Variants in DSN1 observed in about 807,000 individuals in gnomAD.
DSN1 encodes the protein kinetochore-associated protein DSN1 homolog.
Under a neutral mutation model 45.7 loss-of-function variants are expected in DSN1, and 31 were observed. The observed-to-expected ratio is 0.68, with a 90% CI of 0.51 to 0.92. DSN1 has a LOEUF of 0.92. Ranked by LOEUF, DSN1 falls within the 40% of genes least tolerant of loss-of-function variation. The pLI, the probability that DSN1 is intolerant of heterozygous loss-of-function variation, is 0.00. For synonymous variants in DSN1, 134 were observed against 142.3 expected (o/e 0.94, Z 0.41); for missense variants, 394 against 414.2 (o/e 0.95, Z 0.42).
At chr20:36,761,429 C>G (rs1986974418) in intron 6 of DSN1, among the ~76,000 whole-genome samples, 1 of 152,114 alleles carries the variant, frequency 6.6e-6, no homozygotes, top group Non-Finnish European at 1.5e-5. Flanking sequence ...TCTAAAAGAG[C>G]CTGGTACATA....
chr20:36,766,977 C>A, intron 4 of DSN1, 136 bp from the exon 5 acceptor site: 1 of 538,592 alleles, frequency 1.9e-6, no homozygotes, highest in Non-Finnish European at 3.2e-6. Context: ...TAAGACTTTT[C>A]ACAGAAACAA....
Position 36,770,857 on chromosome 20 carries a change from G to A in DSN1, c.355+16C>T. Reference sequence around the variant, plus strand: ...CTGAGCTGGAACCTCACTGTCTTGTGTACACAGCACCCCACCTGTGATGCC... The same window carrying A: ...CTGAGCTGGAACCTCACTGTCTTGTATACACAGCACCCCACCTGTGATGCC... On this transcript the variant is annotated intron_variant, in intron 3 of 10. Coordinates refer to ENST00000373750, the MANE Select transcript of DSN1 (RefSeq NM_001145315.2). 4 of 1,597,548 alleles carry A rather than the reference G, an allele frequency of 2.5e-6. No individual in the cohort carries two copies. The highest frequency in any genetic ancestry group is 3.4e-6 in the Non-Finnish European group (4 of 1,174,110).
At chr20:36,765,920 C>G (rs927723223) in intron 5 of DSN1, among the ~76,000 whole-genome samples, 4 of 149,508 alleles carry the variant, frequency 2.7e-5, no homozygotes, top group Admixed American at 2.7e-4. Flanking sequence ...AGGCCGGGCA[C>G]AGTGGCTTGT....
intron 1 of DSN1, among the ~76,000 whole-genome samples, chr20:36,772,630 G>A (rs1444484987): frequency 6.6e-6 from 1 of 152,206 alleles, no homozygotes; most frequent in Non-Finnish European, 1.5e-5. Context: ...TTTCCAAAGT[G>A]TAGTCAACAC....
At chr20:36,757,439 C>T (rs566998389) in intron 8 of DSN1, among the ~76,000 whole-genome samples, 1 of 152,032 alleles carries the variant, frequency 6.6e-6, no homozygotes, top group African/African-American at 2.4e-5. Flanking sequence ...ATTAGCCACG[C>T]ATCATGGCAG....
chr20:36,754,299 C>T (rs940886818), intron 10 of DSN1, among the ~76,000 whole-genome samples: 13 of 151,986 alleles, frequency 8.6e-5, no homozygotes, highest in African/African-American at 2.7e-4. Flanking sequence ...GTCATTGTGC[C>T]ATTCACTCCA....
rs1472669189 is a variant in DSN1 at position 36,770,881 on chromosome 20, C to T, written c.347G>A (p.Gly116Asp). Residue 116 changes from glycine (G) to aspartate (D), a missense_variant, in exon 3 of 11, where the codon GGC becomes GAC. Coordinates refer to ENST00000373750, the MANE Select transcript of DSN1 (RefSeq NM_001145315.2). ...RRKSLHPIHQGITELSRSISV... is the reference protein window; with the variant it reads ...RRKSLHPIHQDITELSRSISV... Reference sequence around the variant, plus strand: ...TGTACACAGCACCCCACCTGTGATGCCCTGGTGAATGGGATGCAGCGACTT... The same window carrying T: ...TGTACACAGCACCCCACCTGTGATGTCCTGGTGAATGGGATGCAGCGACTT... 1.2e-6 allele frequency: 2 copies of T among 1,609,296 alleles called. No individual in the cohort carries two copies. The highest frequency in any genetic ancestry group is 8.5e-7 in the Non-Finnish European group (1 of 1,178,834).
chr20:36,757,903 T>C (rs969309593), intron 8 of DSN1, among the ~76,000 whole-genome samples, 184 bp downstream of exon 8: 2 of 152,212 alleles, frequency 1.3e-5, no homozygotes, highest in Non-Finnish European at 2.9e-5. Context: ...TGACACCAAC[T>C]CTTCCTTCCT....
chr20:36,763,790 G>A (rs1352513086), intron 5 of DSN1, among the ~76,000 whole-genome samples: 1 of 147,154 alleles, frequency 6.8e-6, no homozygotes, highest in African/African-American at 2.5e-5. Flanking sequence ...AGGAGGCTGA[G>A]GCAGGAGAAT....
intron 10 of DSN1, among the ~76,000 whole-genome samples, chr20:36,753,347 A>AC (rs937170712): frequency 6.6e-6 from 1 of 151,682 alleles, no homozygotes; most frequent in African/African-American, 2.4e-5. Context: ...CTAAAAAAAA[A>AC]AAAAAAAAGG....
chr20:36,761,877 C>T (rs904148250), intron 6 of DSN1, among the ~76,000 whole-genome samples: 25 of 151,674 alleles, frequency 1.6e-4, no homozygotes, highest in Admixed American at 3.3e-4. Context: ...GGCATGGTGG[C>T]GCATGCCTGT....
intron 7 of DSN1, among the ~76,000 whole-genome samples, 188 bp downstream of exon 7, chr20:36,758,370 G>C (rs1986787142): frequency 6.6e-6 from 1 of 152,138 alleles, no homozygotes; most frequent in Non-Finnish European, 1.5e-5. Context: ...GTATTCTCTA[G>C]ACTCCATTCT....
chr20:36,754,754 C>G lies in DSN1; in HGVS notation c.961+9G>C. ...CCTGAACTCTGGTCCCCTCAAGAGA[C>G]AAGCTTACCGAGCTGTACTGACACC... On this transcript the variant is annotated intron_variant, in intron 10 of 10. Coordinates refer to ENST00000373750, the MANE Select transcript of DSN1 (RefSeq NM_001145315.2). 1 of 1,613,172 alleles carries G rather than the reference C, an allele frequency of 6.2e-7. No homozygotes were observed. Among genetic ancestry groups the G allele is most frequent in the Non-Finnish European group, 8.5e-7 (1 of 1,179,332 alleles).
chr20:36,753,650 A>G (rs1425191613), intron 10 of DSN1, among the ~76,000 whole-genome samples: 2 of 150,372 alleles, frequency 1.3e-5, no homozygotes, highest in Non-Finnish European at 3.0e-5. Flanking sequence ...AAAAAAAAAA[A>G]AAAGAAAAAG....
rs867852803 is a variant in DSN1 at position 36,757,988 on chromosome 20, G to C, written c.725+99C>G. ...ATTTGATGAGCTTATTGGCCCGTGAGAAAGGATTCATCTTTCAATTTGTGC... is the reference window on the plus strand; with the variant it reads ...ATTTGATGAGCTTATTGGCCCGTGACAAAGGATTCATCTTTCAATTTGTGC... On this transcript the variant is annotated intron_variant, in intron 8 of 10. Coordinates refer to ENST00000373750, the MANE Select transcript of DSN1 (RefSeq NM_001145315.2). 6.0e-5 allele frequency: 69 copies of C among 1,155,126 alleles called. No homozygotes were observed. The African/African-American group carries it at 8.8e-4, about 15-fold the overall frequency. 71.6% of individuals were successfully genotyped at this position (1,155,126 alleles called of 1,614,324 possible). A position where few individuals can be genotyped will look rare whatever the true frequency, so the allele number is the denominator to read the frequency against.
chr20:36,754,703 A>G, intron 10 of DSN1, 60 bp downstream of exon 10: 1 of 1,462,304 alleles, frequency 6.8e-7, no homozygotes, highest in Non-Finnish European at 9.6e-7. Flanking sequence ...GGCAGTTTGT[A>G]TCCCAAAGGC....
At position 36,752,628 on chromosome 20, in the gene DSN1, A is replaced by G; in HGVS notation, c.*160T>C. 1 of 568,654 alleles carries G rather than the reference A, an allele frequency of 1.8e-6. No individual in the cohort carries two copies. The highest frequency in any genetic ancestry group is 3.1e-6 in the Non-Finnish European group (1 of 320,216). The allele number at this position is 568,654 out of a possible 1,614,324, so 35.2% of individuals were successfully genotyped here. ...GTCTATACAATATTCATTTGGATGT[A>G]CAAATTCCATCACTTTTTGAAAAAA... On this transcript the variant is annotated 3_prime_UTR_variant, in exon 11 of 11. Coordinates refer to ENST00000373750, the MANE Select transcript of DSN1 (RefSeq NM_001145315.2).
At chr20:36,760,468 C>G (rs184741228) in intron 6 of DSN1, among the ~76,000 whole-genome samples, 1 of 152,286 alleles carries the variant, frequency 6.6e-6, no homozygotes, top group African/African-American at 2.4e-5. Context: ...TTTATATGTA[C>G]TTGGTATTCT....
intron 5 of DSN1, 116 bp downstream of exon 5, chr20:36,766,651 TAA>T: frequency 1.1e-6 from 1 of 906,802 alleles, no homozygotes; most frequent in Non-Finnish European, 1.8e-6. Context: ...AGACTCTGTC[TAA>T]AAAACAAAAG....
Sources: allele counts gnomAD v4.1 joint callset (sites outside exome capture counted in the v4.1 genomes callset), GRCh38; gene constraint gnomAD v4.1.1; transcripts MANE v1.5; gene names NCBI Gene and HGNC (gene_info 2026-07-23, HGNC 2026-07-21).